Variants in GLI3 observed in about 807,000 individuals in gnomAD.
GLI3 encodes the protein GLI family zinc finger 3.
GLI3 carries 20 observed loss-of-function variants against 100.8 expected under a neutral mutation model. The ratio of observed to expected loss-of-function variants is 0.20; its 90% CI spans 0.14 to 0.29. The LOEUF (loss-of-function observed/expected upper bound fraction) is 0.29, where lower values mean the gene tolerates loss of function less well. Among genes scored for constraint, GLI3 ranks in the 10% least tolerant of loss-of-function variants. The pLI, the probability that GLI3 is intolerant of heterozygous loss-of-function variation, is 1.00. For missense variants in GLI3, 2,040 were observed against 2,128.5 expected, an observed-to-expected ratio of 0.96 and a Z score of 0.82; for synonymous variants, 938 against 860.5, an observed-to-expected ratio of 1.09 and a Z score of -1.58.
intron 10 of GLI3, among the ~76,000 whole-genome samples, chr7:42,001,167 T>C (rs1253507652): frequency 7.0e-6 from 1 of 142,752 alleles, no homozygotes; most frequent in African/African-American, 2.7e-5. Flanking sequence ...ATCATTTGAC[T>C]GTGGGAGGTG....
At chr7:42,011,014 C>A (rs1201329810) in intron 10 of GLI3, among the ~76,000 whole-genome samples, 1 of 152,168 alleles carries the variant, frequency 6.6e-6, no homozygotes, top group Admixed American at 6.5e-5. Flanking sequence ...TCTGAATCAC[C>A]ATTTAGAAAT....
At chr7:42,116,988 C>A (rs1307659813) in intron 3 of GLI3, among the ~76,000 whole-genome samples, 1 of 152,210 alleles carries the variant, frequency 6.6e-6, no homozygotes, top group African/African-American at 2.4e-5. Context: ...GTGAACTAAA[C>A]AGTGTCTTTC....
rs544297809 is a variant in GLI3, at chr7:41,997,436, C to T, written c.1498-18688G>A. The stretch of plus-strand genomic sequence containing the variant: ...AGTGTTCACATTTTACTAAAGTGAA[C>T]GCTACTGACAATTCTGGCAGATGCC... On this transcript the variant is annotated intron_variant, in intron 10 of 14. Coordinates refer to ENST00000395925, the MANE Select transcript of GLI3 (RefSeq NM_000168.6). 3.3e-5 allele frequency among the ~76,000 whole-genome samples: 5 copies of T among 152,250 alleles called. No homozygotes were observed. In the South Asian group the frequency reaches 8.3e-4, roughly 25 times the overall value.
Position 41,966,255 on chromosome 7 carries a change from G to A in GLI3, c.2818C>T (p.Pro940Ser), listed in dbSNP as rs1442311408. 2 of 1,607,852 alleles carry A rather than the reference G, an allele frequency of 1.2e-6. No individual in the cohort carries two copies. ...ATGTTGGGCAGGGGCGTCGGCGGCG[G>A]CCCTCCTGTGGCAGCCGCGTACTTG... ...KAKYAAATGGPPPTPLPNMER... is the reference protein window; with the variant it reads ...KAKYAAATGGSPPTPLPNMER... Residue 940 changes from proline (P) to serine (S), a missense_variant, in exon 15 of 15, where the codon CCG (proline) becomes TCG (serine). Transcript: ENST00000395925. This position sits in a 1 kb window ranked among gnomAD's most constrained non-coding sequence, Gnocchi z 5.8.
chr7:42,127,769 G>A (rs1029619504), intron 3 of GLI3, among the ~76,000 whole-genome samples: 2 of 152,166 alleles, frequency 1.3e-5, no homozygotes, highest in African/African-American at 4.8e-5. Flanking sequence ...AGCACTTTGG[G>A]AGGCCAAGGC....
intron 3 of GLI3, among the ~76,000 whole-genome samples, chr7:42,116,822 GAGGTCTCATAAGAGA>G (rs1785870074): frequency 6.7e-6 from 1 of 150,292 alleles, no homozygotes; most frequent in Admixed American, 6.6e-5. Flanking sequence ...AATTTAATAA[GAGGTCTCATAAGAGA>G]CCTCTTATTA....
At chr7:42,143,363 T>A (rs955408808) in intron 3 of GLI3, among the ~76,000 whole-genome samples, 1 of 152,256 alleles carries the variant, frequency 6.6e-6, no homozygotes, top group African/African-American at 2.4e-5. Context: ...CTTTGCAGTT[T>A]GGTCAAGACA....
intron 3 of GLI3, among the ~76,000 whole-genome samples, chr7:42,080,724 A>G (rs1396834644): frequency 1.3e-5 from 2 of 152,282 alleles, no homozygotes; most frequent in Admixed American, 1.3e-4. Context: ...TAATCCTAAC[A>G]CATTTCTTGA....
chr7:42,186,370 C>G (rs986951042), intron 2 of GLI3, among the ~76,000 whole-genome samples: 2 of 152,144 alleles, frequency 1.3e-5, no homozygotes, highest in Non-Finnish European at 2.9e-5. Flanking sequence ...TGGCCAGCAC[C>G]GTGCCTGGCG....
At chr7:42,182,071 C>A (rs1768335516) in intron 2 of GLI3, among the ~76,000 whole-genome samples, 1 of 152,094 alleles carries the variant, frequency 6.6e-6, no homozygotes, top group African/African-American at 2.4e-5. Context: ...TTACAACGGG[C>A]CTCCAAGAGT....
intron 9 of GLI3, 51 bp downstream of exon 9, chr7:42,025,212 AC>A: frequency 8.2e-7 from 1 of 1,216,672 alleles, no homozygotes; most frequent in Non-Finnish European, 1.2e-6. Flanking sequence ...TGACCCAAAG[AC>A]ACCAGTCTTG....
Position 41,964,303 on chromosome 7 carries a change from T to C in GLI3, c.*27A>G, listed in dbSNP as rs1787096301. On this transcript the variant is annotated 3_prime_UTR_variant, in exon 15 of 15. Coordinates refer to ENST00000395925, the MANE Select transcript of GLI3 (RefSeq NM_000168.6). ...TCTCTTCAACTCCTATTGATTTCCGTTGGTTGCAGTCTTTTTTTCCTAAAG... is the reference window on the plus strand; with the variant it reads ...TCTCTTCAACTCCTATTGATTTCCGCTGGTTGCAGTCTTTTTTTCCTAAAG... 2 of 1,605,280 alleles carry C rather than the reference T, an allele frequency of 1.2e-6. No homozygotes were observed. The highest frequency in any genetic ancestry group is 2.2e-5 in the East Asian group (1 of 44,844).
rs1425931210 is a variant in GLI3 at position 42,246,842 on chromosome 7, G to A, written c.-43+17152C>T. On this transcript the variant is annotated intron_variant, in intron 1 of 2. Coordinates refer to the GLI3 transcript ENST00000678978. ...TTTTTTTTTTTTTTTTTTGAGGGAC[G>A]ATATCCTTTCTGCTGGGACTCTCTG... Among the ~76,000 whole-genome samples, 4 of 112,704 alleles carry A rather than the reference G, an allele frequency of 3.5e-5. No individual in the cohort carries two copies. The South Asian group carries it at 8.3e-4, about 23-fold the overall frequency. 73.9% of individuals were successfully genotyped at this position (112,704 alleles called of 152,430 possible).
intron 2 of GLI3, among the ~76,000 whole-genome samples, chr7:42,157,985 G>C (rs968402897): frequency 6.6e-6 from 1 of 152,088 alleles, no homozygotes; most frequent in Admixed American, 6.5e-5. Flanking sequence ...ATTAGCCTAT[G>C]TAAAATTATA....
chr7:42,182,644 G>GTATATATATATATATA (rs764864618), intron 2 of GLI3, among the ~76,000 whole-genome samples: 2 of 51,672 alleles, frequency 3.9e-5, no homozygotes, highest in Non-Finnish European at 6.3e-5. Flanking sequence ...ATATGTGTGT[G>GTATATATATATATATA]TATATATATA....
At chr7:41,989,885 A>G (rs1787934353) in intron 10 of GLI3, among the ~76,000 whole-genome samples, 1 of 151,466 alleles carries the variant, frequency 6.6e-6, no homozygotes, top group Admixed American at 6.6e-5. Flanking sequence ...AATAAAAATA[A>G]AAATTAGCAC....
chr7:42,126,872 G>A (rs1415214542), intron 3 of GLI3, among the ~76,000 whole-genome samples: 2 of 152,182 alleles, frequency 1.3e-5, no homozygotes, highest in Admixed American at 6.5e-5. Flanking sequence ...CTAAAGGGCT[G>A]GGAAGCTGTG....
chr7:42,010,963 G>A (rs1788597076), intron 10 of GLI3, among the ~76,000 whole-genome samples: 1 of 152,152 alleles, frequency 6.6e-6, no homozygotes, highest in Admixed American at 6.5e-5. Context: ...AGAGGATTAT[G>A]TTCATTCCTA....
At chr7:42,112,355 T>C (rs1019808784) in intron 3 of GLI3, among the ~76,000 whole-genome samples, 1 of 152,152 alleles carries the variant, frequency 6.6e-6, no homozygotes, top group Non-Finnish European at 1.5e-5. Context: ...TATAGTTCTA[T>C]GGTTATGGGA....
Sources: gnomAD v4.1 joint callset for allele counts (sites outside exome capture counted in the v4.1 genomes callset) on GRCh38, gnomAD v4.1.1 for gene constraint, Gnocchi (gnomAD v3.1) non-coding constraint, MANE v1.5 for transcripts, NCBI Gene and HGNC (gene_info 2026-07-23, HGNC 2026-07-21) for gene names.